The following FSTL5 variants were observed in gnomAD, a reference collection of about 807,000 sequenced individuals.
FSTL5 encodes follistatin like 5.
A neutral mutation model predicts 89.1 loss-of-function variants in FSTL5; 62 were observed. The ratio of observed to expected loss-of-function variants is 0.70; its 90% CI spans 0.57 to 0.86. FSTL5 has a LOEUF of 0.86. Ranked by LOEUF, FSTL5 falls within the 40% of genes least tolerant of loss-of-function variation. FSTL5 has a pLI of 0.00. For missense variants in FSTL5, 1,057 were observed against 1,001.6 expected (o/e 1.06, Z -0.75); for synonymous variants, 383 against 346.2 (o/e 1.11, Z -1.18).
intron 6 of FSTL5, among the ~76,000 whole-genome samples, chr4:161,739,184 AGTT>A (rs1168146410): frequency 1.3e-5 from 2 of 152,200 alleles, no homozygotes; most frequent in African/African-American, 4.8e-5. Context: ...AGAAGTAATT[AGTT>A]AAGATGAAGT....
intron 4 of FSTL5, among the ~76,000 whole-genome samples, chr4:161,776,539 A>C (rs1394957867): frequency 9.9e-6 from 1 of 100,920 alleles, no homozygotes; most frequent in Non-Finnish European, 1.7e-5. Flanking sequence ...ACGTATATGC[A>C]TACATATACG....
chr4:162,066,989 C>T (rs907106911), intron 2 of FSTL5, among the ~76,000 whole-genome samples: 9 of 151,664 alleles, frequency 5.9e-5, no homozygotes, highest in Non-Finnish European at 1.0e-4. Flanking sequence ...GTTCTAGATC[C>T]TTGAGGAATC....
intron 15 of FSTL5, among the ~76,000 whole-genome samples, chr4:161,404,641 T>TAA (rs1333018202): frequency 7.9e-5 from 12 of 151,156 alleles, no homozygotes; most frequent in Admixed American, 1.3e-4. Flanking sequence ...CTAAAGAAAC[T>TAA]AAGATTTAAA....
intron 13 of FSTL5, among the ~76,000 whole-genome samples, chr4:161,461,288 C>CAAAAAAAAAAAAAAAAAAA (rs781313697): frequency 1.4e-5 from 1 of 72,644 alleles, no homozygotes. Context: ...ACTAAAAATA[C>CAAAAAAAAAAAAAAAAAAA]AAAAAAAACA....
At chr4:162,039,193 A>G (rs972158841) in intron 2 of FSTL5, among the ~76,000 whole-genome samples, 1 of 151,794 alleles carries the variant, frequency 6.6e-6, no homozygotes, top group Admixed American at 6.6e-5. Context: ...ACTTTTCACT[A>G]TACATAAAAA....
At chr4:161,627,489 CTCTT>C (rs1735356662) in intron 7 of FSTL5, among the ~76,000 whole-genome samples, 1 of 152,062 alleles carries the variant, frequency 6.6e-6, no homozygotes, top group Admixed American at 6.6e-5. Flanking sequence ...TTGTGTGACT[CTCTT>C]TATTGCAATA....
At chr4:161,836,170 T>C (rs1731032481) in intron 4 of FSTL5, among the ~76,000 whole-genome samples, 1 of 151,700 alleles carries the variant, frequency 6.6e-6, no homozygotes, top group Non-Finnish European at 1.5e-5. Context: ...TGGATGAAAT[T>C]GGAAATCATC....
At chr4:161,624,688 A>G (rs1735253827) in intron 7 of FSTL5, among the ~76,000 whole-genome samples, 1 of 152,018 alleles carries the variant, frequency 6.6e-6, no homozygotes, top group African/African-American at 2.4e-5. Flanking sequence ...AAAAAAAAAT[A>G]TTATCTACCA....
intron 6 of FSTL5, among the ~76,000 whole-genome samples, chr4:161,670,532 G>C (rs535122924): frequency 1.3e-5 from 2 of 152,222 alleles, no homozygotes; most frequent in African/African-American, 4.8e-5. Flanking sequence ...AATAGAATTT[G>C]GGCCTTATAG....
intron 4 of FSTL5, among the ~76,000 whole-genome samples, chr4:161,916,494 A>C (rs1170409594): frequency 6.6e-6 from 1 of 152,170 alleles, no homozygotes; most frequent in African/African-American, 2.4e-5. Context: ...CTCATCACAA[A>C]AATGAACAGC....
rs1732668349 is a variant in FSTL5, at chr4:161,882,573, A to T, written c.409+37831T>A. Among the ~76,000 whole-genome samples, 2 of 152,170 alleles carry T rather than the reference A, an allele frequency of 1.3e-5. 1 individual carries two copies. The highest frequency in any genetic ancestry group is 4.1e-4 in the South Asian group (2 of 4,824). On this transcript the variant is annotated intron_variant, in intron 4 of 15. Transcript: ENST00000306100. ...AATAAACATGTAGGGACAATGTATT[A>T]TCCATAAATTCAAAATAACCATGAC...
chr4:162,057,816 T>C (rs1420735824), intron 2 of FSTL5, among the ~76,000 whole-genome samples: 1 of 151,986 alleles, frequency 6.6e-6, no homozygotes, highest in Non-Finnish European at 1.5e-5. Flanking sequence ...TGGTGGCACA[T>C]GCCTGTAGTC....
chr4:161,404,677 A>T (rs1029132983), intron 15 of FSTL5, among the ~76,000 whole-genome samples: 1 of 151,970 alleles, frequency 6.6e-6, no homozygotes, highest in African/African-American at 2.4e-5. Context: ...ATAAAAAAAA[A>T]TTTTCAAAAG....
intron 6 of FSTL5, among the ~76,000 whole-genome samples, chr4:161,699,692 A>G (rs1451000720): frequency 6.6e-6 from 1 of 152,236 alleles, no homozygotes; most frequent in Admixed American, 6.5e-5. Context: ...ATGTTAGGAC[A>G]AAATTAGTTT....
chr4:161,636,514 A>G (rs1735713933), intron 7 of FSTL5, among the ~76,000 whole-genome samples: 1 of 139,674 alleles, frequency 7.2e-6, no homozygotes, highest in South Asian at 2.4e-4. Flanking sequence ...CACATTGCGC[A>G]GGTTAGTTAC....
intron 3 of FSTL5, among the ~76,000 whole-genome samples, chr4:161,989,344 T>C (rs1382580865): frequency 6.6e-6 from 1 of 152,252 alleles, no homozygotes; most frequent in African/African-American, 2.4e-5. Context: ...TCAATATGCT[T>C]TGGAAACATA....
chr4:162,013,854 A>G (rs1357620190), intron 3 of FSTL5, among the ~76,000 whole-genome samples: 33 of 151,890 alleles, frequency 2.2e-4, no homozygotes, highest in Admixed American at 2.1e-3. Context: ...ATCCATAGGC[A>G]TTAAAAAAAT....
chr4:161,749,757 A>C (rs1168902510), intron 6 of FSTL5, among the ~76,000 whole-genome samples: 1 of 151,930 alleles, frequency 6.6e-6, no homozygotes, highest in Non-Finnish European at 1.5e-5. Context: ...GTGCCACTGC[A>C]CTCCAGCCTG....
chr4:162,124,778 C>G (rs1732008112), intron 1 of FSTL5, among the ~76,000 whole-genome samples: 1 of 152,170 alleles, frequency 6.6e-6, no homozygotes, highest in Admixed American at 6.5e-5. Context: ...CAGCTCACTG[C>G]AACCTCGGCC....
Sources: gnomAD v4.1 joint callset for allele counts (sites outside exome capture counted in the v4.1 genomes callset) on GRCh38, gnomAD v4.1.1 for gene constraint, MANE v1.5 for transcripts, NCBI Gene and HGNC (gene_info 2026-07-23, HGNC 2026-07-21) for gene names.